ZNF618: variants seen among roughly 807,000 people sequenced by gnomAD.
ZNF618 encodes neural precursor cell expressed, developmentally down-regulated 10.
In ZNF618, 34 loss-of-function variants were observed where a neutral mutation model predicts 103.0. The ratio of observed to expected loss-of-function variants is 0.33; its 90% CI spans 0.25 to 0.44. The LOEUF (loss-of-function observed/expected upper bound fraction) is 0.44, where lower values mean the gene tolerates loss of function less well. ZNF618 is among the 20% of genes least tolerant of loss of function. ZNF618 has a pLI of 1.00. For missense variants in ZNF618, 1,059 were observed against 1,295.4 expected, an observed-to-expected ratio of 0.82 and a Z score of 2.80; for synonymous variants, 551 against 542.2, an observed-to-expected ratio of 1.02 and a Z score of -0.23.
chr9:114,016,141 GAAGA>G (rs755166267), intron 9 of ZNF618: 10 of 1,613,478 alleles, frequency 6.2e-6, no homozygotes, highest in African/African-American at 1.3e-5. Flanking sequence ...ACATTTTTAA[GAAGA>G]AAGAAGTTAG....
At chr9:113,922,263 C>A (rs1188051551) in intron 1 of ZNF618, among the ~76,000 whole-genome samples, 1 of 152,168 alleles carries the variant, frequency 6.6e-6, no homozygotes. Context: ...AGGCCTGAAA[C>A]TGATAGTGAA....
Position 114,049,911 on chromosome 9 carries a change from G to A in ZNF618, c.2609G>A (p.Gly870Asp). 5 of 1,613,896 alleles carry A rather than the reference G, an allele frequency of 3.1e-6. No homozygotes were observed. Among genetic ancestry groups the A allele is most frequent in the Non-Finnish European group, 4.2e-6 (5 of 1,179,898 alleles). The stretch of plus-strand genomic sequence containing the variant: ...GCAGCTCAGGAAGATGATCGGCTAG[G>A]CAAAAATGAAGTGTACGATTACCTG... ...NPAAQEDDRL[G>D]KNEVYDYLQE... Residue 870 changes from glycine to aspartate, a missense_variant, in exon 15 of 15, where the codon GGC becomes GAC. Physicochemically the swap from Gly to Asp is moderately conservative, Grantham distance 94 (BLOSUM62 -1). Around this residue, in one of 6 missense-constraint regions of ZNF618, gnomAD observed 156 missense variants for 197.1 expected, o/e 0.79. Transcript: ENST00000374126.
chr9:113,922,726 G>C (rs1158129567), intron 1 of ZNF618, among the ~76,000 whole-genome samples: 1 of 152,104 alleles, frequency 6.6e-6, no homozygotes, highest in African/African-American at 2.4e-5. Context: ...TCTCGAAGCT[G>C]GGTAGTGTCA....
intron 1 of ZNF618, among the ~76,000 whole-genome samples, chr9:113,951,646 T>G (rs1339901484): frequency 6.6e-6 from 1 of 150,784 alleles, no homozygotes; most frequent in Non-Finnish European, 1.5e-5. Flanking sequence ...TCCCATTAAC[T>G]CTAGTATTTC....
Position 114,049,452 on chromosome 9 carries a change from G to T in ZNF618, c.2150G>T (p.Arg717Leu). Residue 717 changes from arginine (R) to leucine (L), a missense_variant, in exon 15 of 15, where the codon CGG becomes CTG. Physicochemically the swap from Arg to Leu is moderately radical, Grantham distance 102 (BLOSUM62 -2). Transcript: ENST00000374126. ...GAGCAGATCTGCGAGTTCTACAGCC[G>T]GGCCAAGAAGATGAACCTCATCCAG... ...RYEQICEFYSRAKKMNLIQSL... is the reference protein window; with the variant it reads ...RYEQICEFYSLAKKMNLIQSL... The T allele has an allele frequency of 3.1e-6, 5 of 1,608,964 alleles. No individual in the cohort carries two copies. Among genetic ancestry groups the T allele is most frequent in the Non-Finnish European group, 4.2e-6 (5 of 1,177,644 alleles).
intron 1 of ZNF618, among the ~76,000 whole-genome samples, chr9:113,953,041 T>A (rs1835919084): frequency 6.6e-6 from 1 of 152,192 alleles, no homozygotes; most frequent in African/African-American, 2.4e-5. Flanking sequence ...TCTATTGTGG[T>A]TGCAACTACA....
chr9:113,970,803 C>A (rs1054666843), intron 2 of ZNF618, among the ~76,000 whole-genome samples: 2 of 151,204 alleles, frequency 1.3e-5, no homozygotes, highest in African/African-American at 4.9e-5. Context: ...ATTTCATTTT[C>A]ATTATTCGTT....
intron 2 of ZNF618, among the ~76,000 whole-genome samples, chr9:113,978,454 G>A (rs571320925): frequency 6.6e-6 from 1 of 152,336 alleles, no homozygotes; most frequent in African/African-American, 2.4e-5. Flanking sequence ...GCAGAGCCCA[G>A]GCGCCTTTCT....
chr9:113,895,753 G>A (rs1829983216), intron 1 of ZNF618, among the ~76,000 whole-genome samples: 1 of 152,154 alleles, frequency 6.6e-6, no homozygotes, highest in South Asian at 2.1e-4. Flanking sequence ...ATGTTTATTT[G>A]TAGTCCCTGC....
intron 3 of ZNF618, among the ~76,000 whole-genome samples, 181 bp downstream of exon 3, chr9:113,988,761 C>T (rs367668598): frequency 9.2e-5 from 14 of 152,334 alleles, no homozygotes; most frequent in South Asian, 2.1e-4. Context: ...GTGCAGTTTC[C>T]GGCTGGAGAG....
chr9:113,948,186 T>G (rs916924900), intron 1 of ZNF618, among the ~76,000 whole-genome samples: 1 of 152,148 alleles, frequency 6.6e-6, no homozygotes, highest in Admixed American at 6.5e-5. Flanking sequence ...TCACTCCCTT[T>G]GTACTGAGGG....
chr9:114,020,330 T>C (rs978955946), intron 10 of ZNF618, among the ~76,000 whole-genome samples: 6 of 141,668 alleles, frequency 4.2e-5, no homozygotes, highest in African/African-American at 1.5e-4. Flanking sequence ...TGTTAGAGTC[T>C]TCTCTAATTT....
intron 1 of ZNF618, among the ~76,000 whole-genome samples, chr9:113,895,681 T>G (rs1829976856): frequency 6.6e-6 from 1 of 152,140 alleles, no homozygotes; most frequent in African/African-American, 2.4e-5. Context: ...GGCCTTGTCA[T>G]GTGTAAACAA....
chr9:113,967,674 G>T (rs571466408), intron 1 of ZNF618, among the ~76,000 whole-genome samples: 22 of 152,266 alleles, frequency 1.4e-4, no homozygotes, highest in Admixed American at 7.8e-4. Context: ...TGGGGTGGAG[G>T]GGGGAGGACC....
intron 1 of ZNF618, among the ~76,000 whole-genome samples, chr9:113,881,745 A>G (rs1476123134): frequency 1.3e-5 from 2 of 152,196 alleles, no homozygotes; most frequent in Non-Finnish European, 2.9e-5. Flanking sequence ...GAGACTTCCT[A>G]TCAGAATCTC....
chr9:114,055,825 T>C lies in ZNF618; in HGVS notation c.*5658T>C, dbSNP rs1846449575. On this transcript the variant is annotated 3_prime_UTR_variant, in exon 15 of 15. Transcript: ENST00000374126. ...TATTTTTCTTAATCCTTATAAGTTT[T>C]ATGTGTTTAATATTTCTTAATACCG... 6.6e-6 allele frequency: 1 copy of C among 152,582 alleles called. No individual in the cohort carries two copies. The highest frequency in any genetic ancestry group is 2.4e-5 in the African/African-American group (1 of 41,434). The allele number at this position is 152,582 out of a possible 1,614,324, so 9.5% of individuals were successfully genotyped here. A position where few individuals can be genotyped will look rare whatever the true frequency, so the allele number is the denominator to read the frequency against.
intron 1 of ZNF618, among the ~76,000 whole-genome samples, chr9:113,916,947 A>G (rs1203067362): frequency 6.6e-6 from 1 of 152,150 alleles, no homozygotes; most frequent in Non-Finnish European, 1.5e-5. Flanking sequence ...AATCTTTCCT[A>G]AGATGCTACT....
At chr9:114,028,635 G>A in intron 10 of ZNF618, 98 bp from the exon 11 acceptor site, 1 of 1,427,306 alleles carries the variant, frequency 7.0e-7, no homozygotes, top group African/African-American at 1.4e-5. Flanking sequence ...GTTGGACAGA[G>A]ACAGTCCCAA....
chr9:113,961,730 A>G (rs75237004), intron 1 of ZNF618, among the ~76,000 whole-genome samples: 6,482 of 152,352 alleles, frequency 0.043, 635 homozygotes, highest in East Asian at 0.32. Flanking sequence ...TTCCAGGAAC[A>G]GAATCCTCTT....
Sources: allele counts gnomAD v4.1 joint callset (sites outside exome capture counted in the v4.1 genomes callset), GRCh38; gene constraint gnomAD v4.1.1; regional missense constraint gnomAD v4.1.1; transcripts MANE v1.5; gene names NCBI Gene and HGNC (gene_info 2026-07-23, HGNC 2026-07-21).